The following OR51B5 variants were observed in gnomAD, a reference collection of about 807,000 sequenced individuals.
The protein encoded by OR51B5 is olfactory receptor 51B5.
For missense variants in OR51B5, 456 were observed against 374.6 expected, an observed-to-expected ratio of 1.22 and a Z score of -1.79; for synonymous variants, 186 against 144.8, an observed-to-expected ratio of 1.28 and a Z score of -2.04.
chr11:5,379,814 G>T (rs1004366194), intron 1 of OR51B5, among the ~76,000 whole-genome samples: 1 of 152,050 alleles, frequency 6.6e-6, no homozygotes, highest in Non-Finnish European at 1.5e-5. Flanking sequence ...TTTCCCATGA[G>T]TCTGGCTTTC....
intron 1 of OR51B5, among the ~76,000 whole-genome samples, chr11:5,467,199 C>T (rs1278061888): frequency 6.6e-6 from 1 of 152,130 alleles, no homozygotes; most frequent in Non-Finnish European, 1.5e-5. Context: ...GTATACAGTC[C>T]TCTCCAATTG....
chr11:5,470,312 G>A (rs751984803), intron 1 of OR51B5, among the ~76,000 whole-genome samples: 18 of 152,026 alleles, frequency 1.2e-4, no homozygotes, highest in East Asian at 1.9e-4. Context: ...TCTTCCCCCC[G>A]AGGATCAATT....
At chr11:5,357,203 C>A (rs937402780) in intron 1 of OR51B5, among the ~76,000 whole-genome samples, 4 of 151,890 alleles carry the variant, frequency 2.6e-5, no homozygotes, top group African/African-American at 7.3e-5. Context: ...GAGTCAAGAC[C>A]CATCAGTGTG....
Position 5,411,055 on chromosome 11 carries a change from G to A in OR51B5, n.85-64145C>T, listed in dbSNP as rs576470446. On this transcript the variant is annotated intron_variant and non_coding_transcript_variant, in intron 1 of 4. Transcript: ENST00000415970. ...AACTATTTTTTATAAATTCAGCATA[G>A]CCTAAATGTCCAGTGTTTATAAAGT... 6.6e-5 allele frequency among the ~76,000 whole-genome samples: 10 copies of A among 152,242 alleles called. No homozygotes were observed. The South Asian group carries it at 2.1e-3, about 32-fold the overall frequency.
chr11:5,431,357 C>A, intron 1 of OR51B5: 1 of 291,682 alleles, frequency 3.4e-6, no homozygotes, highest in South Asian at 3.5e-5. Context: ...ATGCCTGTAA[C>A]AGTAGCAGTG....
Position 5,441,318 on chromosome 11 carries a change from G to C in OR51B5, n.84+64251C>G, listed in dbSNP as rs1308737617. 6 of 1,613,838 alleles carry C rather than the reference G, an allele frequency of 3.7e-6. No homozygotes were observed. The African/African-American group carries it at 4.0e-5, about 11-fold the overall frequency. On this transcript the variant is annotated intron_variant and non_coding_transcript_variant, in intron 1 of 4. Transcript: ENST00000415970. ...TCCCAGATCATTGAGAGCGAGCATA[G>C]AGAGGAAGTAGTACATGGGCTGATG...
chr11:5,458,013 A>G (rs760207582), intron 1 of OR51B5, among the ~76,000 whole-genome samples: 1 of 152,252 alleles, frequency 6.6e-6, no homozygotes, highest in African/African-American at 2.4e-5. Flanking sequence ...CGGCTTTTGG[A>G]GATTTCATCA....
intron 1 of OR51B5, among the ~76,000 whole-genome samples, chr11:5,461,676 C>T (rs1027972330): frequency 2.0e-5 from 3 of 152,212 alleles, no homozygotes; most frequent in African/African-American, 7.2e-5. Flanking sequence ...ACTCTCTGGG[C>T]AGTTCTCCCT....
At position 5,389,442 on chromosome 11, in the gene OR51B5, C is replaced by T. The variant is rs764750625; in HGVS notation, n.85-42532G>A. The stretch of plus-strand genomic sequence containing the variant: ...CTCAGTCCTCAATTCATGCTGCTAT[C>T]CAACATTACTCAGTTTAGCCCCATA... On this transcript the variant is annotated intron_variant and non_coding_transcript_variant, in intron 1 of 4. Transcript: ENST00000415970. 6.2e-6 allele frequency: 10 copies of T among 1,613,902 alleles called. No homozygotes were observed. In the Middle Eastern group the frequency reaches 9.9e-4, roughly 160 times the overall value.
rs111311793 is a variant in OR51B5, at chr11:5,454,527, G to A, written n.84+51042C>T. ...AAGTATAAGATAGATTGTGTGCTGC[G>A]GGAAAAGTAGGCCAGGAGATGGTGA... On this transcript the variant is annotated intron_variant and non_coding_transcript_variant, in intron 1 of 4. Transcript: ENST00000415970. 6.7e-5 allele frequency: 67 copies of A among 999,850 alleles called. No individual in the cohort carries two copies. The African/African-American group carries it at 7.8e-4, about 12-fold the overall frequency. The allele number at this position is 999,850 out of a possible 1,614,324, so 61.9% of individuals were successfully genotyped here. A position where few individuals can be genotyped will look rare whatever the true frequency, so the allele number is the denominator to read the frequency against.
intron 1 of OR51B5, among the ~76,000 whole-genome samples, chr11:5,395,780 C>G (rs1849860977): frequency 6.6e-6 from 1 of 152,160 alleles, no homozygotes; most frequent in Admixed American, 6.5e-5. Context: ...GAAGGATTGT[C>G]CAAAAACCTG....
At chr11:5,484,850 A>C (rs1851477737) in intron 1 of OR51B5, among the ~76,000 whole-genome samples, 1 of 152,214 alleles carries the variant, frequency 6.6e-6, no homozygotes, top group Non-Finnish European at 1.5e-5. Flanking sequence ...ATTATTTCAA[A>C]ATATTATTAT....
chr11:5,426,484 G>A (rs1850452251), intron 1 of OR51B5, among the ~76,000 whole-genome samples: 1 of 152,124 alleles, frequency 6.6e-6, no homozygotes, highest in Non-Finnish European at 1.5e-5. Context: ...TAATTCCGGG[G>A]AAGGGGGGAG....
At chr11:5,434,832 A>G (rs1255092801) in intron 1 of OR51B5, among the ~76,000 whole-genome samples, 1 of 152,184 alleles carries the variant, frequency 6.6e-6, no homozygotes, top group Non-Finnish European at 1.5e-5. Flanking sequence ...ATCTGGGACT[A>G]GAATCTAGTT....
rs1850349029 is a variant in OR51B5, at chr11:5,422,136, T to C, written n.85-75226A>G. On this transcript the variant is annotated intron_variant and non_coding_transcript_variant, in intron 1 of 4. Coordinates refer to the OR51B5 transcript ENST00000415970. Reference sequence around the variant, plus strand: ...TTGGATTAAATGGGGCAAAGAGATATTATTTCTAATGTTTCTTTTTCTCCC... The same window carrying C: ...TTGGATTAAATGGGGCAAAGAGATACTATTTCTAATGTTTCTTTTTCTCCC... The C allele has an allele frequency of 4.0e-6, 5 of 1,252,228 alleles. No homozygotes were observed. In the African/African-American group the frequency reaches 7.5e-5, roughly 19 times the overall value. The allele number at this position is 1,252,228 out of a possible 1,614,324, so 77.6% of individuals were successfully genotyped here.
intron 1 of OR51B5, among the ~76,000 whole-genome samples, chr11:5,359,547 T>A: frequency 7.5e-6 from 1 of 133,884 alleles, no homozygotes; most frequent in Non-Finnish European, 1.7e-5. Context: ...AGAATCAATA[T>A]CATGAAAATG....
At chr11:5,342,618 G>A (rs1201018903) in exon 1 of OR51B5, 3 of 1,601,956 alleles carry the variant, frequency 1.9e-6, no homozygotes, top group Admixed American at 1.7e-5. Flanking sequence ...GTAAAAAGGT[G>A]AAGAATGGCA....
At chr11:5,458,614 T>C (rs1336795846) in intron 1 of OR51B5, among the ~76,000 whole-genome samples, 1 of 152,228 alleles carries the variant, frequency 6.6e-6, no homozygotes, top group African/African-American at 2.4e-5. Flanking sequence ...CATTTGTTTG[T>C]GTCCTCTCTG....
intron 1 of OR51B5, among the ~76,000 whole-genome samples, chr11:5,416,867 G>T (rs1366986998): frequency 6.6e-6 from 1 of 151,950 alleles, no homozygotes; most frequent in African/African-American, 2.4e-5. Flanking sequence ...GTAATTTACA[G>T]ATTCAATGCC....
Sources: gnomAD v4.1 joint callset for allele counts (sites outside exome capture counted in the v4.1 genomes callset) on GRCh38, gnomAD v4.1.1 for gene constraint, MANE v1.5 for transcripts, NCBI Gene and HGNC (gene_info 2026-07-23, HGNC 2026-07-21) for gene names.